Variants in MAGI1 observed in about 807,000 individuals in gnomAD.
The protein encoded by MAGI1 is membrane-associated guanylate kinase, WW and PDZ domain-containing protein 1.
Under a neutral mutation model 139.9 loss-of-function variants are expected in MAGI1, and 58 were observed. That is an observed-to-expected ratio of 0.41 (90% CI 0.34 to 0.52). The LOEUF (loss-of-function observed/expected upper bound fraction) is 0.52, where lower values mean the gene tolerates loss of function less well. Among genes scored for constraint, MAGI1 ranks in the 20% least tolerant of loss-of-function variants. The probability of loss-of-function intolerance (pLI) is 0.12; values close to 1 mark genes in which losing one functional copy is unlikely to be tolerated. For missense variants in MAGI1, 1,874 were observed against 1,901.6 expected (o/e 0.99, Z 0.27); for synonymous variants, 812 against 737.9 (o/e 1.10, Z -1.63).
intron 1 of MAGI1, among the ~76,000 whole-genome samples, chr3:65,798,901 G>A (rs143528437): frequency 4.6e-5 from 7 of 152,198 alleles, no homozygotes; most frequent in African/African-American, 1.4e-4. Context: ...TTTCTACCCC[G>A]TATACCCTCA....
chr3:66,038,056 C>T lies in MAGI1; in HGVS notation c.253G>A (p.Asp85Asn), dbSNP rs751310288. ...GVRVSGLPRY[D>N]VLGVIDSCKE... ...CAGCTGTCGATGACCCCCAGCACGT[C>T]ATAGCGGGGCAAGCCGGACACCCGG... The change falls in exon 1 of 23, where the codon GAC becomes AAC. Residue 85 changes from aspartate (D) to asparagine (N), a missense_variant. Coordinates refer to ENST00000402939, the MANE Select transcript of MAGI1 (RefSeq NM_001033057.2). 7 of 1,612,062 alleles carry T rather than the reference C, an allele frequency of 4.3e-6. No homozygotes were observed. In the South Asian group the frequency reaches 7.7e-5, roughly 18 times the overall value.
chr3:65,815,763 C>T (rs1478788227), intron 1 of MAGI1, among the ~76,000 whole-genome samples: 1 of 151,948 alleles, frequency 6.6e-6, no homozygotes, highest in East Asian at 1.9e-4. Flanking sequence ...GATTCATATA[C>T]CTTATCTTAA....
intron 1 of MAGI1, among the ~76,000 whole-genome samples, chr3:65,820,602 T>G (rs1213643760): frequency 6.6e-6 from 1 of 152,128 alleles, no homozygotes; most frequent in Non-Finnish European, 1.5e-5. Flanking sequence ...ATTTCTTAAG[T>G]CTATTCATGC....
chr3:65,926,144 T>G (rs2062491083), intron 1 of MAGI1, among the ~76,000 whole-genome samples: 1 of 152,212 alleles, frequency 6.6e-6, no homozygotes, highest in Non-Finnish European at 1.5e-5. Flanking sequence ...TAGTATTTCT[T>G]TAAATGAAGT....
chr3:65,475,554 G>C (rs979025572), intron 4 of MAGI1, among the ~76,000 whole-genome samples: 8 of 152,146 alleles, frequency 5.3e-5, no homozygotes, highest in African/African-American at 1.9e-4. Context: ...TTTTGCAAAA[G>C]TCTTTGTTTG....
At chr3:65,611,467 T>C (rs925588296) in intron 2 of MAGI1, among the ~76,000 whole-genome samples, 6 of 145,696 alleles carry the variant, frequency 4.1e-5, no homozygotes, top group African/African-American at 1.5e-4. Context: ...ATACTGTATA[T>C]ATACTATACA....
intron 1 of MAGI1, among the ~76,000 whole-genome samples, chr3:65,694,960 C>T (rs1230125908): frequency 1.3e-5 from 2 of 152,084 alleles, no homozygotes; most frequent in Non-Finnish European, 2.9e-5. Context: ...CATTCAGGTA[C>T]AAAGTGTGAA....
At chr3:65,426,486 C>G (rs559360534) in intron 12 of MAGI1, among the ~76,000 whole-genome samples, 1 of 152,322 alleles carries the variant, frequency 6.6e-6, no homozygotes, top group African/African-American at 2.4e-5. Context: ...GCCACAACCT[C>G]ACGACAGGAA....
At chr3:65,941,453 T>C (rs1650263925) in intron 1 of MAGI1, among the ~76,000 whole-genome samples, 1 of 152,196 alleles carries the variant, frequency 6.6e-6, no homozygotes, top group Admixed American at 6.5e-5. Flanking sequence ...CTTGGTACTA[T>C]TGACATTTGG....
At chr3:65,365,816 T>C (rs1473719502) in intron 18 of MAGI1, among the ~76,000 whole-genome samples, 1 of 152,232 alleles carries the variant, frequency 6.6e-6, no homozygotes, top group African/African-American at 2.4e-5. Flanking sequence ...TGAATACATG[T>C]ATCTTCCCAT....
At chr3:65,991,747 G>T (rs1156833662) in intron 1 of MAGI1, among the ~76,000 whole-genome samples, 1 of 152,188 alleles carries the variant, frequency 6.6e-6, no homozygotes, top group Admixed American at 6.5e-5. Context: ...AGGCACGGTG[G>T]CTCGTGATTG....
intron 1 of MAGI1, among the ~76,000 whole-genome samples, chr3:65,922,867 T>C (rs1338054559): frequency 6.6e-6 from 1 of 152,210 alleles, no homozygotes; most frequent in Non-Finnish European, 1.5e-5. Flanking sequence ...CTCCTTCCTA[T>C]AGTCTTTAGA....
chr3:65,584,368 G>C (rs568589572), intron 2 of MAGI1, among the ~76,000 whole-genome samples: 12 of 152,138 alleles, frequency 7.9e-5, no homozygotes, highest in Non-Finnish European at 1.5e-4. Context: ...CTTGGAGAAA[G>C]AAAAAAACCA....
intron 1 of MAGI1, among the ~76,000 whole-genome samples, chr3:65,761,452 G>A (rs1336770165): frequency 6.6e-6 from 1 of 152,120 alleles, no homozygotes; most frequent in Non-Finnish European, 1.5e-5. Flanking sequence ...GGACTCTTCA[G>A]AACTGCAGCA....
At chr3:65,811,494 C>G (rs2041230351) in intron 1 of MAGI1, among the ~76,000 whole-genome samples, 1 of 152,128 alleles carries the variant, frequency 6.6e-6, no homozygotes, top group Non-Finnish European at 1.5e-5. Context: ...CGACCAAGAG[C>G]AGTCACCTGA....
chr3:65,798,319 AC>A (rs2040281168), intron 1 of MAGI1, among the ~76,000 whole-genome samples: 1 of 151,844 alleles, frequency 6.6e-6, no homozygotes, highest in African/African-American at 2.4e-5. Context: ...AAACAAACAA[AC>A]AAACAAACAA....
chr3:65,363,532 T>C lies in MAGI1; in HGVS notation c.3428A>G (p.Tyr1143Cys). 1 of 1,614,138 alleles carries C rather than the reference T, an allele frequency of 6.2e-7. No homozygotes were observed. The highest frequency in any genetic ancestry group is 8.5e-7 in the Non-Finnish European group (1 of 1,179,960). Residue 1143 changes from tyrosine (Y) to cysteine (C), a missense_variant, in exon 21 of 23, where the codon TAT becomes TGT. Physicochemically the swap from Tyr to Cys is radical, Grantham distance 194. This residue lies in a region of MAGI1 where 653 missense variants were observed against 644.5 expected (regional missense o/e 1.01). Coordinates refer to ENST00000402939, the MANE Select transcript of MAGI1 (RefSeq NM_001033057.2). ...FGFSLRGGRE[Y>C]NMDLYVLRLA... ...GCGCAGAACATAGAGGTCCATGTTA[T>C]ACTCTCGGCCTCCTCGAAGGCTAAA...
chr3:65,677,470 A>T (rs2087269053), intron 1 of MAGI1, among the ~76,000 whole-genome samples: 1 of 152,188 alleles, frequency 6.6e-6, no homozygotes. Context: ...CTCAGTGACC[A>T]AAGGGGATTT....
chr3:65,766,419 T>C (rs1229591809), intron 1 of MAGI1, among the ~76,000 whole-genome samples: 1 of 151,984 alleles, frequency 6.6e-6, no homozygotes, highest in African/African-American at 2.4e-5. Context: ...ATGTGGATAA[T>C]AGAAATTCGA....
Sources: allele counts gnomAD v4.1 joint callset (sites outside exome capture counted in the v4.1 genomes callset), GRCh38; gene constraint gnomAD v4.1.1; regional missense constraint gnomAD v4.1.1; transcripts MANE v1.5; gene names NCBI Gene and HGNC (gene_info 2026-07-23, HGNC 2026-07-21).